The following ACVR1C variants were observed in gnomAD, a reference collection of about 807,000 sequenced individuals.
ACVR1C encodes activin receptor type-1C.
ACVR1C carries 23 observed loss-of-function variants against 57.9 expected under a neutral mutation model. The observed-to-expected ratio is 0.40, with a 90% CI of 0.29 to 0.56. ACVR1C has a LOEUF of 0.56. ACVR1C is among the 20% of genes least tolerant of loss of function. ACVR1C has a pLI of 0.50. For synonymous variants in ACVR1C, 214 were observed against 215.3 expected (o/e 0.99, Z 0.05); for missense variants, 480 against 607.9 (o/e 0.79, Z 2.21).
intron 1 of ACVR1C, among the ~76,000 whole-genome samples, chr2:157,621,241 C>G (rs566774601): frequency 5.0e-4 from 76 of 152,206 alleles, no homozygotes; most frequent in Non-Finnish European, 9.9e-4. Flanking sequence ...AAAGTAGAAG[C>G]TATTCTAGAG....
chr2:157,613,354 A>G (rs1395669697), intron 1 of ACVR1C, among the ~76,000 whole-genome samples: 1 of 152,180 alleles, frequency 6.6e-6, no homozygotes, highest in East Asian at 1.9e-4. Flanking sequence ...TAATCTCTAG[A>G]TTACTTATAA....
chr2:157,577,660 T>C (rs536180701), intron 2 of ACVR1C, among the ~76,000 whole-genome samples: 1 of 152,322 alleles, frequency 6.6e-6, no homozygotes, highest in South Asian at 2.1e-4. Flanking sequence ...TTATTTTAGA[T>C]ACATATTTTA....
chr2:157,560,328 A>C (rs1245399603), intron 2 of ACVR1C, among the ~76,000 whole-genome samples: 1 of 152,234 alleles, frequency 6.6e-6, no homozygotes, highest in Non-Finnish European at 1.5e-5. Context: ...CCTTCAAATT[A>C]ATTAATTTAC....
At chr2:157,551,856 T>C (rs1039294343) in intron 3 of ACVR1C, among the ~76,000 whole-genome samples, 1 of 152,186 alleles carries the variant, frequency 6.6e-6, no homozygotes, top group Non-Finnish European at 1.5e-5. Context: ...TATGGACATA[T>C]AAGCACAGGC....
rs1291359055 is a variant in ACVR1C at position 157,583,601 on chromosome 2, A to G, written c.304+3586T>C. On this transcript the variant is annotated intron_variant, in intron 2 of 8. Coordinates refer to ENST00000243349, the MANE Select transcript of ACVR1C (RefSeq NM_145259.3). ...GAAAAACAAAGTTGGAGAATTCACA[A>G]AACCTGATTTCAATACTTACTATAA... 2.0e-5 allele frequency among the ~76,000 whole-genome samples: 3 copies of G among 152,208 alleles called. No homozygotes were observed. In the East Asian group the frequency reaches 5.8e-4, roughly 29 times the overall value.
intron 3 of ACVR1C, among the ~76,000 whole-genome samples, chr2:157,552,135 T>A (rs921667554): frequency 4.6e-5 from 7 of 152,114 alleles, no homozygotes; most frequent in Non-Finnish European, 8.8e-5. Context: ...TTGTTTTGTT[T>A]GTTTGTTTGT....
chr2:157,578,119 G>T (rs2105247747), intron 2 of ACVR1C, among the ~76,000 whole-genome samples: 1 of 152,226 alleles, frequency 6.6e-6, no homozygotes, highest in South Asian at 2.1e-4. Context: ...TGCCCAGGCT[G>T]ATCTCAAACT....
intron 2 of ACVR1C, among the ~76,000 whole-genome samples, chr2:157,565,910 T>G (rs1183699558): frequency 6.6e-6 from 1 of 152,170 alleles, no homozygotes; most frequent in Non-Finnish European, 1.5e-5. Context: ...TTTTTACGCT[T>G]TAAAGAAACA....
Position 157,538,786 on chromosome 2 carries a change from TA to T in ACVR1C, c.1226-84del, listed in dbSNP as rs1044733185. On this transcript the variant is annotated intron_variant, in intron 7 of 8. Coordinates refer to ENST00000243349, the MANE Select transcript of ACVR1C (RefSeq NM_145259.3). ...TTTAAATAATACCAATTAAGTTTTC[TA>T]GGCACAAGTGACACCCCAGGGAACT... 25 of 1,201,978 alleles carry T rather than the reference TA, an allele frequency of 2.1e-5. No individual in the cohort carries two copies. The African/African-American group carries it at 3.9e-4, about 19-fold the overall frequency. The allele number at this position is 1,201,978 out of a possible 1,614,324, so 74.5% of individuals were successfully genotyped here.
Position 157,587,305 on chromosome 2 carries a change from GGATTT to G in ACVR1C, c.181_185del (p.Lys61LeufsTer15). On this transcript the variant is annotated frameshift_variant, in exon 2 of 9. Transcript: ENST00000243349. LOFTEE classifies it high-confidence loss of function. ...CATTCAGTTCTGGAAGGGAGACACA[GGATTT>G]GATCACCTGCTCTTTTCCATTGGTT... 6.2e-7 allele frequency: 1 copy of G among 1,613,698 alleles called. No individual in the cohort carries two copies. The highest frequency in any genetic ancestry group is 8.5e-7 in the Non-Finnish European group (1 of 1,179,676).
intron 1 of ACVR1C, among the ~76,000 whole-genome samples, chr2:157,610,092 T>C (rs1682497927): frequency 6.6e-6 from 1 of 152,108 alleles, no homozygotes; most frequent in African/African-American, 2.4e-5. Context: ...GTGGTCCTAT[T>C]TGAGTTATTT....
At chr2:157,564,072 G>A (rs1688303706) in intron 2 of ACVR1C, among the ~76,000 whole-genome samples, 1 of 152,168 alleles carries the variant, frequency 6.6e-6, no homozygotes, top group Non-Finnish European at 1.5e-5. Flanking sequence ...ATTTCGTGAT[G>A]AAAATGCCAA....
chr2:157,624,439 A>C (rs1415343574), intron 1 of ACVR1C, among the ~76,000 whole-genome samples: 1 of 152,248 alleles, frequency 6.6e-6, no homozygotes, highest in Non-Finnish European at 1.5e-5. Context: ...AGAAACATGA[A>C]AGTGTATTCA....
intron 1 of ACVR1C, among the ~76,000 whole-genome samples, chr2:157,603,803 T>A (rs954278110): frequency 3.9e-5 from 6 of 152,118 alleles, no homozygotes; most frequent in Admixed American, 6.5e-5. Flanking sequence ...CACATTTTAA[T>A]ATGTACAGAA....
At chr2:157,616,936 A>G (rs1430561596) in intron 1 of ACVR1C, among the ~76,000 whole-genome samples, 1 of 152,178 alleles carries the variant, frequency 6.6e-6, no homozygotes, top group East Asian at 1.9e-4. Context: ...TAATAAAAAG[A>G]AAAATAAATA....
intron 8 of ACVR1C, among the ~76,000 whole-genome samples, chr2:157,534,674 AC>A (rs1440609558): frequency 1.3e-5 from 2 of 152,228 alleles, no homozygotes; most frequent in African/African-American, 4.8e-5. Context: ...TTAAAAATGA[AC>A]TAGCAAAGAG....
rs539581851 is a variant in ACVR1C at position 157,591,738 on chromosome 2, T to C, written c.74-4321A>G. 1.3e-3 allele frequency among the ~76,000 whole-genome samples: 192 copies of C among 152,098 alleles called. 3 individuals are homozygous for C. In the South Asian group the frequency reaches 0.039, roughly 31 times the overall value. ...ATATGAATCCACAGAGTGAAGACAA[T>C]CATAAAGCACTCAACAATTAAATAT... On this transcript the variant is annotated intron_variant, in intron 1 of 8. Coordinates refer to ENST00000243349, the MANE Select transcript of ACVR1C (RefSeq NM_145259.3).
At chr2:157,549,927 C>T (rs1040685135) in intron 4 of ACVR1C, among the ~76,000 whole-genome samples, 40 of 148,430 alleles carry the variant, frequency 2.7e-4, no homozygotes, top group African/African-American at 9.0e-4. Flanking sequence ...GGCATGAACC[C>T]GGGAGGCAGA....
chr2:157,540,714 C>A (rs981264520), intron 7 of ACVR1C, among the ~76,000 whole-genome samples: 1 of 152,168 alleles, frequency 6.6e-6, no homozygotes, highest in Admixed American at 6.5e-5. Flanking sequence ...AAGAAAAAAA[C>A]AAGAAAAGCT....
Sources: allele counts gnomAD v4.1 joint callset (sites outside exome capture counted in the v4.1 genomes callset), GRCh38; gene constraint gnomAD v4.1.1; transcripts MANE v1.5; gene names NCBI Gene and HGNC (gene_info 2026-07-23, HGNC 2026-07-21).